The following SLAMF6 variants were observed in gnomAD, a reference collection of about 807,000 sequenced individuals.
SLAMF6 encodes NK-T-B-antigen.
SLAMF6 carries 21 observed loss-of-function variants against 38.3 expected under a neutral mutation model. The observed-to-expected ratio is 0.55, with a 90% CI of 0.39 to 0.79. The LOEUF (loss-of-function observed/expected upper bound fraction) is 0.79, where lower values mean the gene tolerates loss of function less well. Ranked by LOEUF, SLAMF6 falls within the 30% of genes least tolerant of loss-of-function variation. SLAMF6 has a pLI of 0.00. For missense variants in SLAMF6, 341 were observed against 385.3 expected, an observed-to-expected ratio of 0.89 and a Z score of 0.96; for synonymous variants, 152 against 146.3, an observed-to-expected ratio of 1.04 and a Z score of -0.28.
At chr1:160,508,374 T>G (rs1392050730) in intron 1 of SLAMF6, among the ~76,000 whole-genome samples, 2 of 152,160 alleles carry the variant, frequency 1.3e-5, no homozygotes, top group African/African-American at 2.4e-5. Flanking sequence ...AACCATCTGA[T>G]CTTTGACAAA....
intron 1 of SLAMF6, among the ~76,000 whole-genome samples, chr1:160,512,638 A>G (rs1654535968): frequency 6.6e-6 from 1 of 152,100 alleles, no homozygotes; most frequent in Non-Finnish European, 1.5e-5. Flanking sequence ...TCTTGGACGG[A>G]GCTCCCAGAG....
intron 6 of SLAMF6, among the ~76,000 whole-genome samples, chr1:160,488,839 G>A (rs779024856): frequency 7.9e-5 from 12 of 152,202 alleles, no homozygotes; most frequent in Non-Finnish European, 5.9e-5. Flanking sequence ...TTAAGCTGAA[G>A]GGACAAGACT....
intron 1 of SLAMF6, among the ~76,000 whole-genome samples, chr1:160,511,632 A>C (rs1654477215): frequency 6.6e-6 from 1 of 152,218 alleles, no homozygotes; most frequent in East Asian, 1.9e-4. Context: ...CATAATGATA[A>C]ATATTCATGA....
chr1:160,486,848 G>T, intron 7 of SLAMF6, 94 bp from the exon 8 acceptor site: 1 of 1,414,674 alleles, frequency 7.1e-7, no homozygotes. Flanking sequence ...AGACTACAGA[G>T]AGGCAGATAA....
intron 1 of SLAMF6, among the ~76,000 whole-genome samples, chr1:160,497,768 T>A (rs1426536917): frequency 6.6e-6 from 1 of 152,180 alleles, no homozygotes; most frequent in Non-Finnish European, 1.5e-5. Context: ...GTGCTAGGAT[T>A]ATGGCCTCCA....
intron 1 of SLAMF6, among the ~76,000 whole-genome samples, chr1:160,506,262 G>T (rs1388606403): frequency 6.6e-6 from 1 of 151,974 alleles, no homozygotes; most frequent in Non-Finnish European, 1.5e-5. Context: ...AGTCTCAAAT[G>T]CAACAAGAGA....
intron 1 of SLAMF6, 127 bp downstream of exon 1, chr1:160,523,017 C>T (rs181265285): frequency 1.3e-5 from 12 of 922,360 alleles, no homozygotes; most frequent in Middle Eastern, 2.2e-4. Context: ...ACACTGCCAG[C>T]GTCCCCTTTC....
intron 1 of SLAMF6, among the ~76,000 whole-genome samples, chr1:160,502,350 C>A (rs1393375227): frequency 6.6e-6 from 1 of 152,194 alleles, no homozygotes; most frequent in Non-Finnish European, 1.5e-5. Flanking sequence ...CACTGGGGAA[C>A]TCCTTGCAAC....
intron 1 of SLAMF6, among the ~76,000 whole-genome samples, chr1:160,509,225 T>C (rs1350332264): frequency 6.6e-6 from 1 of 152,228 alleles, no homozygotes; most frequent in Non-Finnish European, 1.5e-5. Flanking sequence ...TGTGGCACTA[T>C]TCACAATAGC....
At chr1:160,487,920 T>TGGG (rs760845301) in intron 6 of SLAMF6, among the ~76,000 whole-genome samples, 1 of 151,976 alleles carries the variant, frequency 6.6e-6, no homozygotes, top group Non-Finnish European at 1.5e-5. Flanking sequence ...TGAAACCCCG[T>TGGG]CTCTACAAAA....
rs1491544952 is a variant in SLAMF6 at position 160,522,627 on chromosome 1, CCT to C, written c.49+515_49+516del. Among the ~76,000 whole-genome samples, 3 of 42,498 alleles carry C rather than the reference CCT, an allele frequency of 7.1e-5. No individual in the cohort carries two copies. The East Asian group carries it at 3.2e-3, about 45-fold the overall frequency. The allele number at this position is 42,498 out of a possible 152,430, so 27.9% of individuals were successfully genotyped here. A position where few individuals can be genotyped will look rare whatever the true frequency, so the allele number is the denominator to read the frequency against. On this transcript the variant is annotated intron_variant, in intron 1 of 7. Transcript: ENST00000368057. ...CACTAAAGGAGGGGAGAGATGGAAA[CCT>C]TTTTTTTTGCAATGAGCAAAAGGTG...
At chr1:160,519,929 A>G (rs1055631106) in intron 1 of SLAMF6, among the ~76,000 whole-genome samples, 1 of 152,180 alleles carries the variant, frequency 6.6e-6, no homozygotes, top group African/African-American at 2.4e-5. Context: ...ATCCTGTTAC[A>G]AGAATTTCAC....
Position 160,489,148 on chromosome 1 carries a change from C to G in SLAMF6, c.819G>C (p.Glu273Asp). The change falls in exon 6 of 8, where the codon GAG becomes GAC. Residue 273 changes from glutamate (E) to aspartate (D), a missense_variant. By Grantham distance (45) the Glu-to-Asp change is conservative. Transcript: ENST00000368057. ...TGTTCGTTGGAGACACTGAAACATA[C>G]TCTAGGTTCCTTGCGGACTCTGCTG... ...QGPAESARNL[E>D]YVSVSPTNNT... 2 of 1,613,888 alleles carry G rather than the reference C, an allele frequency of 1.2e-6. No homozygotes were observed. Among genetic ancestry groups the G allele is most frequent in the East Asian group, 4.5e-5 (2 of 44,870 alleles).
At chr1:160,511,370 T>G (rs1654465216) in intron 1 of SLAMF6, among the ~76,000 whole-genome samples, 1 of 152,154 alleles carries the variant, frequency 6.6e-6, no homozygotes, top group Admixed American at 6.5e-5. Flanking sequence ...AAAGATAAAC[T>G]TATAGATGTC....
intron 1 of SLAMF6, among the ~76,000 whole-genome samples, chr1:160,513,078 G>C (rs918031373): frequency 6.6e-6 from 1 of 152,176 alleles, no homozygotes; most frequent in Non-Finnish European, 1.5e-5. Context: ...AGCTAAAGGA[G>C]TATGTTCTAA....
In SLAMF6 at chr1:160,522,342, A is replaced by G. The variant is rs141106773; in HGVS notation, c.49+802T>C. Among the ~76,000 whole-genome samples the G allele has an allele frequency of 3.6e-3, 551 of 152,334 alleles. 6 individuals carry two copies. The highest frequency in any genetic ancestry group is 0.012 in the African/African-American group (489 of 41,570). On this transcript the variant is annotated intron_variant, in intron 1 of 7. Coordinates refer to ENST00000368057, the MANE Select transcript of SLAMF6 (RefSeq NM_001184714.2). ...CACCTGGCACAATACTTGAAATACAATAAGTGCTCAGTGAATGCTTCCTAC... is the reference window on the plus strand; with the variant it reads ...CACCTGGCACAATACTTGAAATACAGTAAGTGCTCAGTGAATGCTTCCTAC...
chr1:160,494,793 TC>T (rs1260260299), intron 2 of SLAMF6, among the ~76,000 whole-genome samples: 2 of 152,080 alleles, frequency 1.3e-5, no homozygotes, highest in Non-Finnish European at 2.9e-5. Context: ...CGCTACAGCC[TC>T]CAGAGGGAGC....
In SLAMF6 at chr1:160,496,191, C is replaced by T; in HGVS notation, c.252G>A (p.Lys84=). The change falls in exon 2 of 8, where the codon AAG becomes AAA. Residue 84 remains lysine (K), a synonymous_variant. Coordinates refer to ENST00000368057, the MANE Select transcript of SLAMF6 (RefSeq NM_001184714.2). ...EIHVTNPKQG[K]RLNFTQSYSL... ...AGTAGGACTGGGTGAAGTTCAGTCG[C>T]TTTCCCTGTTTCGGATTAGTCACGT... The T allele has an allele frequency of 3.1e-6, 5 of 1,613,912 alleles. No homozygotes were observed. The highest frequency in any genetic ancestry group is 1.6e-4 in the Middle Eastern group (1 of 6,062).
chr1:160,507,137 C>G (rs1196295923), intron 1 of SLAMF6, among the ~76,000 whole-genome samples: 1 of 152,076 alleles, frequency 6.6e-6, no homozygotes, highest in Non-Finnish European at 1.5e-5. Context: ...CTATTTTCTA[C>G]ATACAGAGAT....
Sources: gnomAD v4.1 joint callset for allele counts (sites outside exome capture counted in the v4.1 genomes callset) on GRCh38, gnomAD v4.1.1 for gene constraint, MANE v1.5 for transcripts, NCBI Gene and HGNC (gene_info 2026-07-23, HGNC 2026-07-21) for gene names.